The following MRPL1 variants were observed in gnomAD, a reference collection of about 807,000 sequenced individuals.
MRPL1 encodes the protein large ribosomal subunit protein uL1m.
A neutral mutation model predicts 38.0 loss-of-function variants in MRPL1; 28 were observed. The ratio of observed to expected loss-of-function variants is 0.74; its 90% CI spans 0.55 to 1.01. The LOEUF (loss-of-function observed/expected upper bound fraction) is 1.01. Among genes scored for constraint, MRPL1 ranks in the 50% least tolerant of loss-of-function variants. The probability of loss-of-function intolerance (pLI) is 0.00; values close to 1 mark genes in which losing one functional copy is unlikely to be tolerated. For missense variants in MRPL1, 358 were observed against 389.8 expected (o/e 0.92, Z 0.69); for synonymous variants, 123 against 126.7 (o/e 0.97, Z 0.20).
Position 77,912,388 on chromosome 4 carries a change from CA to C in MRPL1, c.777+3021del, listed in dbSNP as rs1010607410. On this transcript the variant is annotated intron_variant, in intron 7 of 8. Transcript: ENST00000315567. ...AGGTTGAAGGTAGAAGCTCAATGTA[CA>C]AAAATGTTTCTGTATAACAGCAAGG... Among the ~76,000 whole-genome samples, 9 of 151,962 alleles carry C rather than the reference CA, an allele frequency of 5.9e-5. No individual in the cohort carries two copies. The East Asian group carries it at 1.5e-3, about 26-fold the overall frequency.
chr4:77,952,461 C>G, intron 8 of MRPL1, 28 bp from the exon 9 acceptor site: 3 of 1,501,140 alleles, frequency 2.0e-6, no homozygotes, highest in Non-Finnish European at 2.8e-6. Context: ...ATATAAAAAT[C>G]AAAGTTGATT....
intron 8 of MRPL1, among the ~76,000 whole-genome samples, chr4:77,950,880 T>G (rs1737392437): frequency 6.6e-6 from 1 of 152,226 alleles, no homozygotes; most frequent in Admixed American, 6.5e-5. Flanking sequence ...CCATTTTATT[T>G]TAGTTTTTGA....
chr4:77,932,066 T>G (rs1338363146), intron 7 of MRPL1, among the ~76,000 whole-genome samples: 2 of 152,146 alleles, frequency 1.3e-5, no homozygotes, highest in Non-Finnish European at 2.9e-5. Flanking sequence ...TGGCAGCACA[T>G]TCAGTGATAC....
intron 7 of MRPL1, among the ~76,000 whole-genome samples, chr4:77,909,939 C>T (rs1006330613): frequency 6.6e-6 from 1 of 152,130 alleles, no homozygotes; most frequent in African/African-American, 2.4e-5. Flanking sequence ...TCATTACAAA[C>T]ATTAAAGTTA....
intron 2 of MRPL1, among the ~76,000 whole-genome samples, chr4:77,873,387 T>C (rs10026176): frequency 0.52 from 78,803 of 152,020 alleles, 20,901 homozygotes; most frequent in Admixed American, 0.57. Flanking sequence ...ATGGTTAGTA[T>C]ATAATAATAG....
chr4:77,938,061 C>G (rs1280094750), intron 7 of MRPL1, among the ~76,000 whole-genome samples: 1 of 152,234 alleles, frequency 6.6e-6, no homozygotes, highest in Non-Finnish European at 1.5e-5. Context: ...TTTACTCATT[C>G]ATTTCCTCAG....
intron 3 of MRPL1, among the ~76,000 whole-genome samples, chr4:77,884,190 C>T (rs1343014511): frequency 6.6e-6 from 1 of 151,182 alleles, no homozygotes; most frequent in East Asian, 1.9e-4. Flanking sequence ...CAGATGTGTT[C>T]CTTGGGGTCG....
intron 2 of MRPL1, among the ~76,000 whole-genome samples, chr4:77,872,412 G>A (rs896996966): frequency 6.6e-6 from 1 of 152,044 alleles, no homozygotes; most frequent in Admixed American, 6.6e-5. Flanking sequence ...TTTCAGATTT[G>A]CATAGTATAT....
chr4:77,909,925 A>G (rs1358444904), intron 7 of MRPL1, among the ~76,000 whole-genome samples: 1 of 152,196 alleles, frequency 6.6e-6, no homozygotes, highest in Non-Finnish European at 1.5e-5. Context: ...TTTAAAATAT[A>G]TTGTCATTAC....
At position 77,943,761 on chromosome 4, in the gene MRPL1, A is replaced by T. The variant is rs1215625226; in HGVS notation, c.778-6036A>T. The stretch of plus-strand genomic sequence containing the variant: ...ATTTATGCTATCTGGTTCACTGAAC[A>T]TTTTTCCCTTCATATCTTGTATCAC... On this transcript the variant is annotated intron_variant, in intron 7 of 8. Transcript: ENST00000315567. 2.0e-5 allele frequency among the ~76,000 whole-genome samples: 3 copies of T among 152,010 alleles called. No individual in the cohort carries two copies. The East Asian group carries it at 5.8e-4, about 29-fold the overall frequency.
Position 77,862,880 on chromosome 4 carries a change from G to T in MRPL1, c.31+1G>T. ...GCGGCCGTAAGGTGCATGGGTAGAGGTAAGGCGAGGGGTTGTCTTGCAGGG... is the reference window on the plus strand; with the variant it reads ...GCGGCCGTAAGGTGCATGGGTAGAGTTAAGGCGAGGGGTTGTCTTGCAGGG... On this transcript the variant is annotated splice_donor_variant, in intron 1 of 8. Transcript: ENST00000315567. LOFTEE classifies it high-confidence loss of function. The T allele has an allele frequency of 6.2e-7, 1 of 1,614,208 alleles. No individual in the cohort carries two copies. Among genetic ancestry groups the T allele is most frequent in the Non-Finnish European group, 8.5e-7 (1 of 1,180,024 alleles).
intron 7 of MRPL1, among the ~76,000 whole-genome samples, chr4:77,944,525 T>G (rs1737209190): frequency 6.6e-6 from 1 of 152,192 alleles, no homozygotes; most frequent in Non-Finnish European, 1.5e-5. Context: ...AAAGTGGTAT[T>G]TCTTATGTTG....
intron 7 of MRPL1, among the ~76,000 whole-genome samples, chr4:77,945,182 T>A (rs910672692): frequency 6.7e-6 from 1 of 149,864 alleles, no homozygotes; most frequent in African/African-American, 2.4e-5. Flanking sequence ...CTACTACTAC[T>A]ACTTTATGTT....
At chr4:77,902,100 C>A (rs1462672595) in intron 6 of MRPL1, among the ~76,000 whole-genome samples, 1 of 152,152 alleles carries the variant, frequency 6.6e-6, no homozygotes, top group Non-Finnish European at 1.5e-5. Flanking sequence ...GTAAATAACT[C>A]ATTGATCAAA....
chr4:77,912,044 G>GT (rs773878827), intron 7 of MRPL1, among the ~76,000 whole-genome samples: 1 of 152,158 alleles, frequency 6.6e-6, no homozygotes, highest in Non-Finnish European at 1.5e-5. Flanking sequence ...TCCAACATCT[G>GT]TTTCTGATTA....
chr4:77,899,877 A>G (rs1735998684), intron 6 of MRPL1, among the ~76,000 whole-genome samples: 2 of 152,368 alleles, frequency 1.3e-5, no homozygotes, highest in South Asian at 4.1e-4. Context: ...GCAAAGCCCT[A>G]GAAATAGCAG....
intron 2 of MRPL1, among the ~76,000 whole-genome samples, chr4:77,881,997 C>T (rs1735552482): frequency 6.6e-6 from 1 of 152,150 alleles, no homozygotes; most frequent in Non-Finnish European, 1.5e-5. Context: ...CTTTTCTAAC[C>T]TCATCTTCCA....
intron 2 of MRPL1, 56 bp from the exon 3 acceptor site, chr4:77,883,186 T>A (rs181222381): frequency 0.016 from 17,425 of 1,121,538 alleles, 493 homozygotes; most frequent in African/African-American, 0.12. Context: ...GCTTTTTTTT[T>A]AAAAAAAATC....
intron 6 of MRPL1, among the ~76,000 whole-genome samples, chr4:77,899,518 A>G (rs1735987683): frequency 6.6e-6 from 1 of 152,130 alleles, no homozygotes; most frequent in African/African-American, 2.4e-5. Flanking sequence ...TAGCTAAAAT[A>G]TTGCTCTCTC....
Sources: gnomAD v4.1 joint callset for allele counts (sites outside exome capture counted in the v4.1 genomes callset) on GRCh38, gnomAD v4.1.1 for gene constraint, MANE v1.5 for transcripts, NCBI Gene and HGNC (gene_info 2026-07-23, HGNC 2026-07-21) for gene names.